TPSG1: variants seen among roughly 807,000 people sequenced by gnomAD.
TPSG1 encodes the protein tryptase gamma.
TPSG1 carries 43 observed loss-of-function variants against 23.8 expected under a neutral mutation model. That is an observed-to-expected ratio of 1.81 (90% CI 1.42 to 2.33). The LOEUF (loss-of-function observed/expected upper bound fraction) is 2.33. Ranked by LOEUF, TPSG1 falls within the 30% of genes most tolerant of loss-of-function variation. TPSG1 has a pLI of 0.00. For synonymous variants in TPSG1, 302 were observed against 201.3 expected (o/e 1.50, Z -4.23); for missense variants, 623 against 438.6 (o/e 1.42, Z -3.75).
intron 1 of TPSG1, 179 bp from the exon 2 acceptor site, chr16:1,224,807 AC>A: frequency 1.3e-6 from 1 of 743,158 alleles, no homozygotes; most frequent in Non-Finnish European, 2.2e-6. Flanking sequence ...GCTGGGTGGG[AC>A]AAGCCACAGG....
Position 1,222,769 on chromosome 16 carries a change from T to G in TPSG1, c.394A>C (p.Ser132Arg), listed in dbSNP as rs756372012. The part of the protein sequence containing the change: ...TSGDIALVEL[S>R]VPVTLSSRIL... ...CGGCTGGAGAGGGTCACGGGGACACTGAGCTCCACCAGGGCGATGTCCCCG... is the reference window on the plus strand; with the variant it reads ...CGGCTGGAGAGGGTCACGGGGACACGGAGCTCCACCAGGGCGATGTCCCCG... Residue 132 changes from serine (S) to arginine (R), a missense_variant, in exon 4 of 6, where the codon AGT becomes CGT. By Grantham distance (110) the Ser-to-Arg change is moderately radical. Coordinates refer to ENST00000234798, the MANE Select transcript of TPSG1 (RefSeq NM_012467.4). The G allele has an allele frequency of 1.1e-5, 17 of 1,612,166 alleles. No individual in the cohort carries two copies. Among genetic ancestry groups the G allele is most frequent in the Non-Finnish European group, 1.4e-5 (16 of 1,179,732 alleles).
chr16:1,223,891 C>T lies in TPSG1; in HGVS notation c.74-297G>A, dbSNP rs369274608. 43 of 457,242 alleles carry T rather than the reference C, an allele frequency of 9.4e-5. No individual in the cohort carries two copies. The South Asian group carries it at 1.3e-3, about 14-fold the overall frequency. The allele number at this position is 457,242 out of a possible 1,614,324, so 28.3% of individuals were successfully genotyped here. ...GGGCCCCTAGGCGGCTAGAAAGGGG[C>T]TCAGAACGGTGGAGCCCCCGAGAAG... is the stretch of plus-strand genomic sequence containing the variant. On this transcript the variant is annotated intron_variant, in intron 2 of 5. Transcript: ENST00000234798.
In TPSG1 at chr16:1,223,449, C is replaced by A; in HGVS notation, c.219G>T (p.Val73=). 6.3e-7 allele frequency: 1 copy of A among 1,588,278 alleles called. No homozygotes were observed. Among genetic ancestry groups the A allele is most frequent in the Non-Finnish European group, 8.5e-7 (1 of 1,169,676 alleles). The part of the protein sequence containing the change: ...CGGSLLSPQW[V]LTAAHCFSGS... ...CGGAGAAGCAGTGGGCAGCTGTGAG[C>A]ACCCACTGGGGGCTGAGCAGTGACC... Residue 73 remains valine, a synonymous_variant, in exon 3 of 6, where the codon GTG becomes GTT. Transcript: ENST00000234798.
intron 2 of TPSG1, chr16:1,224,005 G>A (rs932330617): frequency 7.2e-5 from 18 of 251,008 alleles, no homozygotes; most frequent in African/African-American, 3.0e-4. Flanking sequence ...AATTCGGGGG[G>A]CGGGGGGCAG....
In TPSG1 at chr16:1,222,646, C is replaced by G. The variant is rs1434150461; in HGVS notation, c.511+6G>C. 2 of 1,539,510 alleles carry G rather than the reference C, an allele frequency of 1.3e-6. No individual in the cohort carries two copies. The highest frequency in any genetic ancestry group is 1.8e-6 in the Non-Finnish European group (2 of 1,138,430). On this transcript the variant is annotated splice_donor_region_variant and intron_variant, in intron 4 of 5. Transcript: ENST00000234798. ...CCATCCCAGCATCCCCACGGGGGCT[C>G]CTCACCTCCCTCCCGCGTATAGCCC...
rs1970551596 is a variant in TPSG1 at position 1,222,651 on chromosome 16, C to T, written c.511+1G>A. ...CCAGCATCCCCACGGGGGCTCCTCA[C>T]CTCCCTCCCGCGTATAGCCCCAGCC... On this transcript the variant is annotated splice_donor_variant, in intron 4 of 5. Coordinates refer to ENST00000234798, the MANE Select transcript of TPSG1 (RefSeq NM_012467.4). LOFTEE classifies it high-confidence loss of function. The T allele has an allele frequency of 2.6e-6, 4 of 1,544,544 alleles. No individual in the cohort carries two copies. The highest frequency in any genetic ancestry group is 2.3e-5 in the East Asian group (1 of 43,826).
Position 1,221,680 on chromosome 16 carries a change from A to T in TPSG1, c.*108T>A. On this transcript the variant is annotated 3_prime_UTR_variant, in exon 6 of 6. Coordinates refer to ENST00000234798, the MANE Select transcript of TPSG1 (RefSeq NM_012467.4). Reference sequence around the variant, plus strand: ...TTTCGTGTGCTTTTAAATTCAGGTTAAATGTTGCAATAATCTGATGCAGAA... The same window carrying T: ...TTTCGTGTGCTTTTAAATTCAGGTTTAATGTTGCAATAATCTGATGCAGAA... 1.7e-6 allele frequency: 2 copies of T among 1,155,238 alleles called. No homozygotes were observed. Among genetic ancestry groups the T allele is most frequent in the Non-Finnish European group, 2.4e-6 (2 of 832,526 alleles). 71.6% of individuals were successfully genotyped at this position (1,155,238 alleles called of 1,614,324 possible). A position where few individuals can be genotyped will look rare whatever the true frequency, so the allele number is the denominator to read the frequency against.
At position 1,222,834 on chromosome 16, in the gene TPSG1, A is replaced by G; in HGVS notation, c.329T>C (p.Ile110Thr). Reference sequence around the variant, plus strand: ...TCCTGAGGGGCTGGAGTGCAGGATGATCTGCCTCACGGTGGAGAAGTGGGG... The same window carrying G: ...TCCTGAGGGGCTGGAGTGCAGGATGGTCTGCCTCACGGTGGAGAAGTGGGG... ...LSPHFSTVRQ[I>T]ILHSSPSGQP... is the part of the protein sequence containing the mutation. The change falls in exon 4 of 6, where the codon ATC becomes ACC. Residue 110 changes from isoleucine to threonine, a missense_variant. Physicochemically the swap from Ile to Thr is moderately conservative, Grantham distance 89 (BLOSUM62 -1). Transcript: ENST00000234798. 1 of 1,611,734 alleles carries G rather than the reference A, an allele frequency of 6.2e-7. No individual in the cohort carries two copies. Among genetic ancestry groups the G allele is most frequent in the Non-Finnish European group, 8.5e-7 (1 of 1,179,618 alleles).
At chr16:1,224,791 C>G in intron 1 of TPSG1, 163 bp from the exon 2 acceptor site, 1 of 836,626 alleles carries the variant, frequency 1.2e-6, no homozygotes, top group Non-Finnish European at 1.9e-6. Flanking sequence ...GTCTCACTGG[C>G]CCAGGGCTGG....
chr16:1,221,858 G>T lies in TPSG1; in HGVS notation c.896C>A (p.Ser299Tyr). 6.2e-7 allele frequency: 1 copy of T among 1,612,038 alleles called. No homozygotes were observed. Among genetic ancestry groups the T allele is most frequent in the Non-Finnish European group, 8.5e-7 (1 of 1,179,586 alleles). Reference sequence around the variant, plus strand: ...CAGGCACTTGGCCAGCAGGACACAGGAGACTAGCAGAAGGAAGAGGCCGGG... The same window carrying T: ...CAGGCACTTGGCCAGCAGGACACAGTAGACTAGCAGAAGGAAGAGGCCGGG... Reference protein sequence around the residue: ...FLPGLFLLLVSCVLLAKCLLH... With the variant: ...FLPGLFLLLVYCVLLAKCLLH... The change falls in exon 6 of 6, where the codon TCC becomes TAC. Residue 299 changes from serine to tyrosine, a missense_variant. Physicochemically the swap from Ser to Tyr is moderately radical, Grantham distance 144. Coordinates refer to ENST00000234798, the MANE Select transcript of TPSG1 (RefSeq NM_012467.4).
At chr16:1,223,917 G>A (rs533343844) in intron 2 of TPSG1, 2 of 404,258 alleles carry the variant, frequency 4.9e-6, no homozygotes, top group East Asian at 1.0e-4. Flanking sequence ...CCCCGAGAAG[G>A]CCCGGGGTGC....
Position 1,221,791 on chromosome 16 carries a change from G to C in TPSG1, c.963C>G (p.Asp321Glu). 4 of 1,601,222 alleles carry C rather than the reference G, an allele frequency of 2.5e-6. No individual in the cohort carries two copies. Among genetic ancestry groups the C allele is most frequent in the Non-Finnish European group, 3.4e-6 (4 of 1,172,604 alleles). Reference sequence around the variant, plus strand: ...AAATGCACTTGGATTCCTGCCATCAGTCAGGGGCGGGGAAGGGAGTACCAT... The same window carrying C: ...AAATGCACTTGGATTCCTGCCATCACTCAGGGGCGGGGAAGGGAGTACCAT... Reference protein sequence around the residue: ...SADGTPFPAPD With the variant: ...SADGTPFPAPE Residue 321 changes from aspartate to glutamate, a missense_variant, in exon 6 of 6, where the codon GAC becomes GAG. Physicochemically the swap from Asp to Glu is conservative, Grantham distance 45 (BLOSUM62 2). Transcript: ENST00000234798.
At position 1,222,307 on chromosome 16, in the gene TPSG1, C is replaced by T. The variant is rs777907072; in HGVS notation, c.546G>A (p.Val182=). The T allele has an allele frequency of 1.2e-6, 2 of 1,609,826 alleles. No homozygotes were observed. Among genetic ancestry groups the T allele is most frequent in the Non-Finnish European group, 8.5e-7 (1 of 1,178,670 alleles). Residue 182 remains valine (V), a synonymous_variant, in exon 5 of 6, where the codon GTG becomes GTA. Transcript: ENST00000234798. ...TCTCTGTGTCCACCACGGAGACTTTCACCTCCCGCAGGCTGTACGGGGGTG... is the reference window on the plus strand; with the variant it reads ...TCTCTGTGTCCACCACGGAGACTTTTACCTCCCGCAGGCTGTACGGGGGTG... ...PLPPPYSLRE[V]KVSVVDTETC... is the part of the protein sequence containing the mutation.
intron 4 of TPSG1, 107 bp from the exon 5 acceptor site, chr16:1,222,448 C>T: frequency 4.8e-6 from 6 of 1,250,592 alleles, no homozygotes; most frequent in African/African-American, 3.0e-5. Flanking sequence ...CGACCCTCGT[C>T]ACGGCACGTG....
intron 2 of TPSG1, 72 bp from the exon 3 acceptor site, chr16:1,223,666 C>T: frequency 6.7e-7 from 1 of 1,484,674 alleles, no homozygotes; most frequent in South Asian, 1.3e-5. Flanking sequence ...ATGAAGCCTT[C>T]CCTGACCACA....
intron 3 of TPSG1, 42 bp from the exon 4 acceptor site, chr16:1,222,959 G>A (rs775901212): frequency 6.4e-7 from 1 of 1,560,938 alleles, no homozygotes; most frequent in Non-Finnish European, 8.7e-7. Context: ...CAGCTGCGGA[G>A]GCTGGAGGTC....
intron 1 of TPSG1, 70 bp from the exon 2 acceptor site, chr16:1,224,698 C>T: frequency 1.9e-5 from 30 of 1,602,602 alleles, no homozygotes; most frequent in Non-Finnish European, 2.5e-5. Flanking sequence ...CTCCAGAGGC[C>T]CCTGCCAGGC....
chr16:1,222,085 C>T lies in TPSG1; in HGVS notation c.669G>A (p.Gly223=). Residue 223 remains glycine (G), a synonymous_variant, in exon 6 of 6, where the codon GGG becomes GGA. Coordinates refer to ENST00000234798, the MANE Select transcript of TPSG1 (RefSeq NM_012467.4). ...GPGDACQDDS[G]GPLVCQVNGA... ...CGTTCACCTGGCAGACCAGAGGCCC[C>T]CCGGAGTCGTCCTGAGGACAGAGAA... The T allele has an allele frequency of 6.2e-7, 1 of 1,612,804 alleles. No individual in the cohort carries two copies. Among genetic ancestry groups the T allele is most frequent in the Non-Finnish European group, 8.5e-7 (1 of 1,180,002 alleles).
chr16:1,222,476 T>C, intron 4 of TPSG1, 135 bp from the exon 5 acceptor site: 1 of 1,238,904 alleles, frequency 8.1e-7, no homozygotes, highest in South Asian at 1.5e-5. Flanking sequence ...ATCTGACGTT[T>C]GGCTGCTGCT....
Sources: gnomAD v4.1 joint callset for allele counts on GRCh38, gnomAD v4.1.1 for gene constraint, MANE v1.5 for transcripts, NCBI Gene and HGNC (gene_info 2026-07-23, HGNC 2026-07-21) for gene names.